The following AKAP19 variants were observed in gnomAD, a reference collection of about 807,000 sequenced individuals.
The protein encoded by AKAP19 is A-kinase anchoring protein 19, also known as small A-kinase anchoring protein.
chr2:189,961,452 T>C, the AKAP19 span, among the ~76,000 whole-genome samples: 1 of 152,158 alleles, frequency 6.6e-6, no homozygotes, highest in South Asian at 2.1e-4. Flanking sequence ...GAGAACAGTT[T>C]TTATTTTTTT....
chr2:190,154,057 A>T, the AKAP19 span, among the ~76,000 whole-genome samples: 1 of 152,026 alleles, frequency 6.6e-6, no homozygotes, highest in Non-Finnish European at 1.5e-5. Flanking sequence ...CTTCTTTAGG[A>T]TTTCCCTCTA....
At chr2:189,883,241 G>A in the AKAP19 span, among the ~76,000 whole-genome samples, 1 of 152,058 alleles carries the variant, frequency 6.6e-6, no homozygotes, top group Non-Finnish European at 1.5e-5. Flanking sequence ...AATGCTACTT[G>A]TCAGGGAGCC....
At chr2:190,094,212 T>C in the AKAP19 span, among the ~76,000 whole-genome samples, 32 of 152,324 alleles carry the variant, frequency 2.1e-4, no homozygotes, top group East Asian at 6.0e-3. Context: ...TTGTAGGGAT[T>C]TTCTAGGACA....
the AKAP19 span, among the ~76,000 whole-genome samples, chr2:190,097,108 T>C: frequency 1.3e-5 from 2 of 152,224 alleles, no homozygotes; most frequent in African/African-American, 2.4e-5. Flanking sequence ...GTGCAGAATG[T>C]GCAGGGTTGT....
chr2:190,003,590 G>A, the AKAP19 span, among the ~76,000 whole-genome samples: 3 of 152,192 alleles, frequency 2.0e-5, no homozygotes, highest in Admixed American at 6.5e-5. Context: ...TAGGCCAGGC[G>A]CGGTGGCTCA....
chr2:189,990,130 G>C, the AKAP19 span, among the ~76,000 whole-genome samples: 1 of 152,094 alleles, frequency 6.6e-6, no homozygotes, highest in Admixed American at 6.6e-5. Context: ...CATCTTTGTT[G>C]CTTGTTGCAC....
At chr2:189,984,589 C>T in the AKAP19 span, among the ~76,000 whole-genome samples, 12 of 152,064 alleles carry the variant, frequency 7.9e-5, no homozygotes, top group African/African-American at 2.7e-4. Context: ...ACATCCTCCT[C>T]GGCTGACAGG....
At chr2:190,097,878 A>AAAAG in the AKAP19 span, among the ~76,000 whole-genome samples, 2 of 144,332 alleles carry the variant, frequency 1.4e-5, no homozygotes, top group Non-Finnish European at 3.0e-5. Context: ...AAAAAAAAAA[A>AAAAG]AAAGAAAAGA....
At chr2:189,963,848 C>T in the AKAP19 span, among the ~76,000 whole-genome samples, 1 of 151,726 alleles carries the variant, frequency 6.6e-6, no homozygotes, top group Non-Finnish European at 1.5e-5. Context: ...ACTGCAGCCT[C>T]GACCTCCCAG....
the AKAP19 span, among the ~76,000 whole-genome samples, chr2:190,074,581 T>C: frequency 8.6e-5 from 13 of 151,526 alleles, no homozygotes; most frequent in South Asian, 2.1e-4. Flanking sequence ...AACCCGGGAG[T>C]TGGAAGTTGC....
chr2:189,893,343 G>A, the AKAP19 span, among the ~76,000 whole-genome samples: 2 of 152,182 alleles, frequency 1.3e-5, no homozygotes, highest in Non-Finnish European at 2.9e-5. Context: ...CAGGGCCCTG[G>A]TGGCGTAGGC....
the AKAP19 span, among the ~76,000 whole-genome samples, chr2:189,890,732 G>A: frequency 3.3e-5 from 5 of 152,132 alleles, no homozygotes; most frequent in South Asian, 2.1e-4. Context: ...TCAGAGACTA[G>A]GATGGCAACC....
the AKAP19 span, among the ~76,000 whole-genome samples, chr2:189,894,493 C>T: frequency 6.6e-6 from 1 of 152,066 alleles, no homozygotes; most frequent in African/African-American, 2.4e-5. Flanking sequence ...TCACTGAACT[C>T]ACTGAGTTTC....
At chr2:190,141,202 CAA>C in the AKAP19 span, among the ~76,000 whole-genome samples, 2 of 152,166 alleles carry the variant, frequency 1.3e-5, no homozygotes, top group African/African-American at 4.8e-5. Flanking sequence ...CTGAGCCTCC[CAA>C]GTCTCTGGGA....
chr2:190,098,975 G>T, the AKAP19 span, among the ~76,000 whole-genome samples: 1 of 152,170 alleles, frequency 6.6e-6, no homozygotes, highest in African/African-American at 2.4e-5. Context: ...TCACAGAATT[G>T]AAAAGAGTTT....
At chr2:189,983,847 G>C in the AKAP19 span, among the ~76,000 whole-genome samples, 3 of 152,172 alleles carry the variant, frequency 2.0e-5, no homozygotes, top group African/African-American at 7.2e-5. Flanking sequence ...GAAATAAAGG[G>C]ACAGAGTACA....
the AKAP19 span, among the ~76,000 whole-genome samples, chr2:190,125,987 T>C: frequency 6.6e-6 from 1 of 151,860 alleles, no homozygotes; most frequent in South Asian, 2.1e-4. Flanking sequence ...ATCACAGAAG[T>C]AATGTATTAA....
the AKAP19 span, among the ~76,000 whole-genome samples, chr2:190,165,405 C>T: frequency 0.047 from 7,203 of 152,076 alleles, 326 homozygotes; most frequent in African/African-American, 0.12. Flanking sequence ...CCACTGTACT[C>T]CAGCTTAGAC....
chr2:190,093,973 C>CAG, the AKAP19 span, among the ~76,000 whole-genome samples: 2 of 152,232 alleles, frequency 1.3e-5, no homozygotes, highest in African/African-American at 2.4e-5. Context: ...TGTGACCAAG[C>CAG]ACATGGTGCT....
Sources: gnomAD v4.1 joint callset for allele counts (sites outside exome capture counted in the v4.1 genomes callset) on GRCh38, gnomAD v4.1.1 for gene constraint, MANE v1.5 for transcripts, NCBI Gene and HGNC (gene_info 2026-07-23, HGNC 2026-07-21) for gene names.